The following ADRA1A variants were observed in gnomAD, a reference collection of about 807,000 sequenced individuals.
ADRA1A encodes adrenoceptor alpha 1A, also known as alpha-1A adrenergic receptor.
Under a neutral mutation model 29.6 loss-of-function variants are expected in ADRA1A, and 31 were observed. The ratio of observed to expected loss-of-function variants is 1.05; its 90% CI spans 0.79 to 1.41. The LOEUF (loss-of-function observed/expected upper bound fraction) is 1.41. Among genes scored for constraint, ADRA1A ranks in the 40% most tolerant of loss-of-function variants. The pLI is 0.00. For missense variants in ADRA1A, 619 were observed against 601.1 expected (o/e 1.03, Z -0.31); for synonymous variants, 311 against 254.3 (o/e 1.22, Z -2.12).
chr8:26,865,915 C>A lies in ADRA1A; in HGVS notation c.-686-260G>T, dbSNP rs1296217531. On this transcript the variant is annotated intron_variant, in intron 1 of 2. Coordinates refer to ENST00000380573, the MANE Select transcript of ADRA1A (RefSeq NM_000680.4). This position sits in a 1 kb window ranked among gnomAD's most constrained non-coding sequence, Gnocchi z 7.6. ...GCGAAAAACAAACAAAAAAACAAAT[C>A]CCCAAAACCCCAGGCTCCAGCGCTC... 6.6e-6 allele frequency among the ~76,000 whole-genome samples: 1 copy of A among 151,994 alleles called. No individual in the cohort carries two copies. The highest frequency in any genetic ancestry group is 1.5e-5 in the Non-Finnish European group (1 of 67,998).
chr8:26,789,290 A>C (rs1467679054), intron 2 of ADRA1A, among the ~76,000 whole-genome samples: 2 of 152,216 alleles, frequency 1.3e-5, no homozygotes, highest in Admixed American at 1.3e-4. Flanking sequence ...TCAAAACAGC[A>C]TGGTACTGAT....
chr8:26,826,850 G>A (rs6990485), intron 2 of ADRA1A, among the ~76,000 whole-genome samples: 2 of 152,278 alleles, frequency 1.3e-5, no homozygotes, highest in East Asian at 1.9e-4. Flanking sequence ...CAGAAACACC[G>A]AGTTCCCAAC....
rs1235070083 is a variant in ADRA1A, at chr8:26,841,582, C to T, written c.883+22505G>A. Among the ~76,000 whole-genome samples, 1 of 152,144 alleles carries T rather than the reference C, an allele frequency of 6.6e-6. No individual in the cohort carries two copies. Among genetic ancestry groups the T allele is most frequent in the Non-Finnish European group, 1.5e-5 (1 of 68,036 alleles). On this transcript the variant is annotated intron_variant, in intron 2 of 2. Transcript: ENST00000380573. This position sits in a 1 kb window ranked among gnomAD's most constrained non-coding sequence, Gnocchi z 4.4. ...ACAATCTTTCATCCCTTTGCTTTGT[C>T]CTCTCAGGTCCTGGCTCTGTTCCTC...
chr8:26,776,057 C>T lies in ADRA1A; in HGVS notation c.884-5391G>A, dbSNP rs78703570. On this transcript the variant is annotated intron_variant, in intron 2 of 2. Transcript: ENST00000380573. The stretch of plus-strand genomic sequence containing the variant: ...AGTAAAGGCTTGGCGACTAGAGTCA[C>T]CTTTTACAGTTATAAAATTACAGCA... Among the ~76,000 whole-genome samples the T allele has an allele frequency of 6.3e-3, 966 of 152,312 alleles. 13 individuals are homozygous for T. The highest frequency in any genetic ancestry group is 0.014 in the Middle Eastern group (4 of 294).
At chr8:26,784,556 GAAGAA>G (rs1807236803) in intron 2 of ADRA1A, among the ~76,000 whole-genome samples, 1 of 152,122 alleles carries the variant, frequency 6.6e-6, no homozygotes, top group Non-Finnish European at 1.5e-5. Context: ...ATGTTCATGA[GAAGAA>G]AAGAAAGCTG....
At chr8:26,788,524 A>C (rs12542088) in intron 2 of ADRA1A, among the ~76,000 whole-genome samples, 1 of 151,978 alleles carries the variant, frequency 6.6e-6, no homozygotes. Context: ...GGTGGCACTA[A>C]TAATAGTAAT....
At chr8:26,842,776 G>A (rs1305051114) in intron 2 of ADRA1A, among the ~76,000 whole-genome samples, 2 of 151,756 alleles carry the variant, frequency 1.3e-5, no homozygotes, top group Non-Finnish European at 1.5e-5. Context: ...CCTGGTCTGG[G>A]TCAATAATAT....
At chr8:26,762,168 A>G (rs1805541555), downstream of ADRA1A, among the ~76,000 whole-genome samples, 1 of 152,144 alleles carries the variant, frequency 6.6e-6, no homozygotes. The surrounding 1 kb of genome is among the most constrained non-coding windows in gnomAD (Gnocchi z 4.0). Context: ...ACCATCAGAG[A>G]GTGGTAAGAG....
At chr8:26,792,678 T>A (rs1807917144) in intron 2 of ADRA1A, among the ~76,000 whole-genome samples, 1 of 147,662 alleles carries the variant, frequency 6.8e-6, no homozygotes, top group African/African-American at 2.6e-5. Flanking sequence ...TCAAATGAAT[T>A]AATGTAGACA....
chr8:26,842,913 C>G (rs2130708072), intron 2 of ADRA1A, among the ~76,000 whole-genome samples: 1 of 147,936 alleles, frequency 6.8e-6, no homozygotes, highest in South Asian at 2.1e-4. Context: ...ACACACCACT[C>G]AAGGATTATC....
Position 26,853,547 on chromosome 8 carries a change from G to A in ADRA1A, c.883+10540C>T, listed in dbSNP as rs1324625321. On this transcript the variant is annotated intron_variant, in intron 2 of 2. Transcript: ENST00000380573. ...AGCAGAGAGACAGATAAATGGAAAA[G>A]AAGCGAGTGTATTCCAAAATAGATC... Among the ~76,000 whole-genome samples, 5 of 152,160 alleles carry A rather than the reference G, an allele frequency of 3.3e-5. No individual in the cohort carries two copies. In the South Asian group the frequency reaches 6.2e-4, roughly 19 times the overall value.
intron 2 of ADRA1A, among the ~76,000 whole-genome samples, chr8:26,808,245 T>A (rs1809141057): frequency 6.6e-6 from 1 of 152,222 alleles, no homozygotes; most frequent in Non-Finnish European, 1.5e-5. Context: ...CATATACTTC[T>A]ACATATTGCT....
At chr8:26,854,099 C>T (rs1031640411) in intron 2 of ADRA1A, 2 of 152,128 alleles carry the variant, frequency 1.3e-5, no homozygotes, top group African/African-American at 2.4e-5. Flanking sequence ...GGAGTGTCCC[C>T]TTTAGCCAGA....
intron 2 of ADRA1A, among the ~76,000 whole-genome samples, chr8:26,812,908 C>T (rs1260474721): frequency 1.3e-5 from 2 of 151,926 alleles, no homozygotes; most frequent in African/African-American, 2.4e-5. Flanking sequence ...CCTTGTGATC[C>T]GCCCACCTTG....
intron 2 of ADRA1A, among the ~76,000 whole-genome samples, chr8:26,809,235 C>T (rs1809209203): frequency 6.6e-6 from 1 of 152,188 alleles, no homozygotes. Context: ...ATTTAACTTT[C>T]ATGACTTGGA....
chr8:26,769,599 G>A lies in ADRA1A; in HGVS notation c.*550C>T. ...CACTGCCAAGTTTCCCTCAAGCTGA[G>A]AAATTGGATGTATCAGAAAGGGTGG... is the stretch of plus-strand genomic sequence containing the variant. On this transcript the variant is annotated 3_prime_UTR_variant, in exon 3 of 3. Coordinates refer to ENST00000380573, the MANE Select transcript of ADRA1A (RefSeq NM_000680.4). 1 of 985,528 alleles carries A rather than the reference G, an allele frequency of 1.0e-6. No individual in the cohort carries two copies. Among genetic ancestry groups the A allele is most frequent in the Non-Finnish European group, 1.2e-6 (1 of 830,034 alleles). The allele number at this position is 985,528 out of a possible 1,614,324, so 61.0% of individuals were successfully genotyped here. A position where few individuals can be genotyped will look rare whatever the true frequency, so the allele number is the denominator to read the frequency against.
intron 2 of ADRA1A, among the ~76,000 whole-genome samples, chr8:26,861,654 A>G (rs1813475605): frequency 6.6e-6 from 1 of 152,170 alleles, no homozygotes; most frequent in Admixed American, 6.5e-5. Flanking sequence ...ACACAGTGAT[A>G]CAAAAGAAAG....
At position 26,828,584 on chromosome 8, in the gene ADRA1A, A is replaced by G. The variant is rs149423561; in HGVS notation, c.883+35503T>C. On this transcript the variant is annotated intron_variant, in intron 2 of 2. Transcript: ENST00000380573. ...GGGTTTAAGAATGTAGGGCAGAGGC[A>G]CAGGTCTGTGATGCCGAGGACTGAT... is the stretch of plus-strand genomic sequence containing the variant. Among the ~76,000 whole-genome samples, 641 of 152,364 alleles carry G rather than the reference A, an allele frequency of 4.2e-3. 5 individuals are homozygous for G. The highest frequency in any genetic ancestry group is 0.015 in the African/African-American group (609 of 41,592).
At position 26,787,612 on chromosome 8, in the gene ADRA1A, GAA is replaced by G. The variant is rs953305430; in HGVS notation, c.884-16948_884-16947del. On this transcript the variant is annotated intron_variant, in intron 2 of 2. Transcript: ENST00000380573. This position sits in a 1 kb window ranked among gnomAD's most constrained non-coding sequence, Gnocchi z 4.2. ...GAAAAGTGAAGGAGAGATGATAACA[GAA>G]ATAGTTACCATCTCGTGTGCTGCAT... Among the ~76,000 whole-genome samples the G allele has an allele frequency of 6.6e-6, 1 of 151,916 alleles. No individual in the cohort carries two copies. The highest frequency in any genetic ancestry group is 6.6e-5 in the Admixed American group (1 of 15,222).
Sources: allele counts gnomAD v4.1 joint callset (sites outside exome capture counted in the v4.1 genomes callset), GRCh38; gene constraint gnomAD v4.1.1; non-coding constraint Gnocchi (gnomAD v3.1); transcripts MANE v1.5; gene names NCBI Gene and HGNC (gene_info 2026-07-23, HGNC 2026-07-21).